Variants in SPTBN2 observed in about 807,000 individuals in gnomAD.
The protein encoded by SPTBN2 is spectrin beta chain, non-erythrocytic 2.
SPTBN2 carries 107 observed loss-of-function variants against 284.2 expected under a neutral mutation model. That is an observed-to-expected ratio of 0.38 (90% CI 0.32 to 0.44). The LOEUF (loss-of-function observed/expected upper bound fraction) is 0.44, where lower values mean the gene tolerates loss of function less well. Ranked by LOEUF, SPTBN2 falls within the 20% of genes least tolerant of loss-of-function variation. The pLI is 1.00. For missense variants in SPTBN2, 2,569 were observed against 3,287.1 expected, an observed-to-expected ratio of 0.78 and a Z score of 5.34; for synonymous variants, 1,289 against 1,354.8, an observed-to-expected ratio of 0.95 and a Z score of 1.07.
At chr11:66,742,248 GCA>G (rs1290673038) in intron 1 of SPTBN2, among the ~76,000 whole-genome samples, 1 of 152,240 alleles carries the variant, frequency 6.6e-6, no homozygotes, top group Non-Finnish European at 1.5e-5. Context: ...AGAGCACTTA[GCA>G]CAGAGTGGAT....
chr11:66,694,099 G>T, intron 22 of SPTBN2, 40 bp downstream of exon 22: 1 of 1,597,062 alleles, frequency 6.3e-7, no homozygotes. Context: ...AGAACCACAT[G>T]GCTGGGGGCA....
exon 1 of SPTBN2, chr11:66,744,657 T>C: frequency 2.2e-6 from 1 of 452,980 alleles, no homozygotes; most frequent in Non-Finnish European, 3.1e-6. Flanking sequence ...CGGTTCGCGG[T>C]CTCGGGGCCC....
At chr11:66,697,378 A>G (rs1940979059) in intron 20 of SPTBN2, among the ~76,000 whole-genome samples, 1 of 152,156 alleles carries the variant, frequency 6.6e-6, no homozygotes, top group Non-Finnish European at 1.5e-5. Context: ...AAAGGCTAGC[A>G]CTGCCTGGGT....
Position 66,696,548 on chromosome 11 carries a change from G to C in SPTBN2, c.4015-8C>G. On this transcript the variant is annotated splice_region_variant and splice_polypyrimidine_tract_variant and intron_variant, in intron 20 of 37. Coordinates refer to ENST00000533211, the MANE Select transcript of SPTBN2 (RefSeq NM_006946.4). ...GGTGAGCTCTCGCCCTTCCTGGAAG[G>C]CAGGACAGAAAATGTCAAAGTGCCC... 1 of 1,610,242 alleles carries C rather than the reference G, an allele frequency of 6.2e-7. No individual in the cohort carries two copies. Among genetic ancestry groups the C allele is most frequent in the Non-Finnish European group, 8.5e-7 (1 of 1,180,018 alleles).
At chr11:66,697,126 G>GCTGTGTT (rs1284934343) in intron 20 of SPTBN2, among the ~76,000 whole-genome samples, 2 of 152,118 alleles carry the variant, frequency 1.3e-5, no homozygotes, top group African/African-American at 4.8e-5. Context: ...CTGTGAGAGT[G>GCTGTGTT]CTGTGTTCTG....
chr11:66,683,436 T>C lies in SPTBN2; in HGVS notation c.*2435A>G, dbSNP rs1484904787. ...TGCCTGCATTTATTGTATTTTTGTG[T>C]CTAACTTGTCTCATAGCCCTCACCG... On this transcript the variant is annotated 3_prime_UTR_variant, in exon 38 of 38. Transcript: ENST00000533211. Among the ~76,000 whole-genome samples, 1 of 152,218 alleles carries C rather than the reference T, an allele frequency of 6.6e-6. No individual in the cohort carries two copies. Among genetic ancestry groups the C allele is most frequent in the African/African-American group, 2.4e-5 (1 of 41,454 alleles).
At chr11:66,690,003 ACAAC>A in intron 28 of SPTBN2, 32 bp downstream of exon 28, 1 of 1,614,158 alleles carries the variant, frequency 6.2e-7, no homozygotes, top group Non-Finnish European at 8.5e-7. Context: ...GCCCAGCCAC[ACAAC>A]CCGTGGAGGC....
Position 66,692,719 on chromosome 11 carries a change from T to C in SPTBN2, c.5007A>G (p.Gln1669=), listed in dbSNP as rs1206975238. Residue 1669 remains glutamine (Q), a synonymous_variant, in exon 26 of 38, where the codon CAA becomes CAG. Coordinates refer to ENST00000533211, the MANE Select transcript of SPTBN2 (RefSeq NM_006946.4). ...CGGCATACAGCTTGTCCACCTGGGCTTGGCGGATGGATATCCGAGTGCTGC... is the reference window on the plus strand; with the variant it reads ...CGGCATACAGCTTGTCCACCTGGGCCTGGCGGATGGATATCCGAGTGCTGC... ...HPESTRISIR[Q]AQVDKLYAGL... 6.2e-7 allele frequency: 1 copy of C among 1,602,742 alleles called. No homozygotes were observed. The highest frequency in any genetic ancestry group is 1.7e-5 in the Admixed American group (1 of 60,018).
chr11:66,715,321 C>T lies in SPTBN2; in HGVS notation c.384G>A (p.Glu128=). The stretch of plus-strand genomic sequence containing the variant: ...CCATGTTTTCCAAGTGCACTTTCTG[C>T]TCCTTGAGGAACTGCAGTGCCTTGT... The part of the protein sequence containing the change: ...NVDKALQFLK[E]QKVHLENMGS... Residue 128 remains glutamate, a synonymous_variant, in exon 5 of 38, where the codon GAG becomes GAA. Coordinates refer to ENST00000533211, the MANE Select transcript of SPTBN2 (RefSeq NM_006946.4). The surrounding 1 kb of genome is among the most constrained non-coding windows in gnomAD (Gnocchi z 5.3). The T allele has an allele frequency of 6.2e-7, 1 of 1,614,258 alleles. No individual in the cohort carries two copies. The highest frequency in any genetic ancestry group is 8.5e-7 in the Non-Finnish European group (1 of 1,180,048).
chr11:66,714,452 C>G (rs1487275241), intron 5 of SPTBN2, 45 bp from the exon 6 acceptor site: 5 of 1,505,732 alleles, frequency 3.3e-6, no homozygotes, highest in Non-Finnish European at 3.7e-6. Flanking sequence ...GACAGGAACT[C>G]CTGGTGTTAT....
Position 66,687,766 on chromosome 11 carries a change from C to G in SPTBN2, c.6501+102G>C, listed in dbSNP as rs987430753. 1 of 1,589,168 alleles carries G rather than the reference C, an allele frequency of 6.3e-7. No homozygotes were observed. The highest frequency in any genetic ancestry group is 8.6e-7 in the Non-Finnish European group (1 of 1,158,242). On this transcript the variant is annotated intron_variant, in intron 34 of 37. Transcript: ENST00000533211. The surrounding 1 kb of genome is among the most constrained non-coding windows in gnomAD (Gnocchi z 5.2). The stretch of plus-strand genomic sequence containing the variant: ...CCCCCAAGCTGCCTGTGAGCCTCTG[C>G]CCTCTCCCATCCCATCCCCAGTACT...
At position 66,708,772 on chromosome 11, in the gene SPTBN2, G is replaced by T; in HGVS notation, c.1191+130C>A. The T allele has an allele frequency of 1.3e-6, 1 of 747,700 alleles. No homozygotes were observed. The highest frequency in any genetic ancestry group is 2.3e-6 in the Non-Finnish European group (1 of 436,112). 46.3% of individuals were successfully genotyped at this position (747,700 alleles called of 1,614,324 possible). A position where few individuals can be genotyped will look rare whatever the true frequency, so the allele number is the denominator to read the frequency against. Reference sequence around the variant, plus strand: ...GTGTGGGCAGCTGGGCAGAGTGCTCGAGTTTCAAGTTGGGGCAGCAGATAG... The same window carrying T: ...GTGTGGGCAGCTGGGCAGAGTGCTCTAGTTTCAAGTTGGGGCAGCAGATAG... On this transcript the variant is annotated intron_variant, in intron 11 of 37. Transcript: ENST00000533211. This position sits in a 1 kb window ranked among gnomAD's most constrained non-coding sequence, Gnocchi z 4.4.
Position 66,713,625 on chromosome 11 carries a change from C to T in SPTBN2, c.772+6G>A. The T allele has an allele frequency of 6.2e-7, 1 of 1,611,428 alleles. No individual in the cohort carries two copies. The highest frequency in any genetic ancestry group is 8.5e-7 in the Non-Finnish European group (1 of 1,177,982). On this transcript the variant is annotated splice_donor_region_variant and intron_variant, in intron 8 of 37. Coordinates refer to ENST00000533211, the MANE Select transcript of SPTBN2 (RefSeq NM_006946.4). ...CCACCTCTTTTTCACATAGCTCTGG[C>T]CCCACCTTCGGGATCCAGCAGCTTG...
Position 66,693,001 on chromosome 11 carries a change from G to C in SPTBN2, c.4954C>G (p.Gln1652Glu). ...QTIHQLAASS[Q>E]DMIDHEHPES... ...GGGTGCTCGTGGTCAATCATGTCCT[G>C]GCTGCTGGCCGCCAGCTGGTGGATG... Residue 1652 changes from glutamine to glutamate, a missense_variant, in exon 25 of 38, where the codon CAG becomes GAG. Gln to Glu is a conservative substitution (Grantham distance 29). Around this residue, in one of 6 missense-constraint regions of SPTBN2, gnomAD observed 1,130 missense variants for 1,317.3 expected, o/e 0.86. Transcript: ENST00000533211. This position sits in a 1 kb window ranked among gnomAD's most constrained non-coding sequence, Gnocchi z 5.7. 6.2e-7 allele frequency: 1 copy of C among 1,609,634 alleles called. No individual in the cohort carries two copies. Among genetic ancestry groups the C allele is most frequent in the East Asian group, 2.2e-5 (1 of 44,884 alleles).
intron 36 of SPTBN2, 148 bp downstream of exon 36, chr11:66,686,846 C>T: frequency 9.6e-7 from 1 of 1,045,038 alleles, no homozygotes; most frequent in Admixed American, 1.9e-5. Flanking sequence ...TCTCCGCCTC[C>T]CTCATCTACA....
At chr11:66,709,072 G>T in intron 10 of SPTBN2, 53 bp from the exon 11 acceptor site, 1 of 1,466,828 alleles carries the variant, frequency 6.8e-7, no homozygotes, top group Non-Finnish European at 9.6e-7. Context: ...AGGGTCACAA[G>T]GACTCTTTAC....
In SPTBN2 at chr11:66,689,829, G is replaced by C. The variant is rs1940411398; in HGVS notation, c.5925C>G (p.Ala1975=). ...CCTCCTCGGCCGCATAGTGGCTCCT[G>C]GCCAGCAGCTCCTTCCCCATGTCGA... ...SCIDMGKELL[A]RSHYAAEEIS... is the part of the protein sequence containing the mutation. The change falls in exon 29 of 38, where the codon GCC becomes GCG. Residue 1975 remains alanine, a synonymous_variant. Coordinates refer to ENST00000533211, the MANE Select transcript of SPTBN2 (RefSeq NM_006946.4). 1.2e-6 allele frequency: 2 copies of C among 1,613,992 alleles called. No individual in the cohort carries two copies. Among genetic ancestry groups the C allele is most frequent in the Non-Finnish European group, 1.7e-6 (2 of 1,180,032 alleles).
At position 66,691,327 on chromosome 11, in the gene SPTBN2, C is replaced by G; in HGVS notation, c.5522G>C (p.Arg1841Pro). 2 of 1,553,440 alleles carry G rather than the reference C, an allele frequency of 1.3e-6. No individual in the cohort carries two copies. The highest frequency in any genetic ancestry group is 1.7e-6 in the Non-Finnish European group (2 of 1,145,844). The change falls in exon 27 of 38, where the codon CGA becomes CCA. Residue 1841 changes from arginine (R) to proline (P), a missense_variant. By Grantham distance (103) the Arg-to-Pro change is moderately radical. This residue lies in a region of SPTBN2 where 1,130 missense variants were observed against 1,317.3 expected (regional missense o/e 0.86). Transcript: ENST00000533211. The surrounding 1 kb of genome is among the most constrained non-coding windows in gnomAD (Gnocchi z 8.0). Reference protein sequence around the residue: ...DLNAAEALQRRHCAYEHDIQA... With the variant: ...DLNAAEALQRPHCAYEHDIQA... Reference sequence around the variant, plus strand: ...AATGTCATGCTCGTAGGCACAGTGTCGGCGCTGCAGGGCCTCGGCAGCGTT... The same window carrying G: ...AATGTCATGCTCGTAGGCACAGTGTGGGCGCTGCAGGGCCTCGGCAGCGTT...
chr11:66,700,715 GC>G lies in SPTBN2; in HGVS notation c.3383del (p.Gly1128AlafsTer4). On this transcript the variant is annotated frameshift_variant, in exon 17 of 38. Transcript: ENST00000533211. LOFTEE classifies it high-confidence loss of function. The surrounding 1 kb of genome is among the most constrained non-coding windows in gnomAD (Gnocchi z 6.6). ...CAGCCTGGTCCCGGGTCACCTCCTC[GC>G]CCAGGGCTCGCAGCCGGCTATACTC... is the stretch of plus-strand genomic sequence containing the variant. Reference protein sequence around the residue: ...QSEYSRLRALGEEVTRDQADP... With the variant: ...QSEYSRLRALXEEVTRDQADP... The G allele has an allele frequency of 6.2e-7, 1 of 1,604,452 alleles. No individual in the cohort carries two copies.
Sources: gnomAD v4.1 joint callset for allele counts (sites outside exome capture counted in the v4.1 genomes callset) on GRCh38, gnomAD v4.1.1 for gene constraint, gnomAD v4.1.1 regional missense constraint, Gnocchi (gnomAD v3.1) non-coding constraint, MANE v1.5 for transcripts, NCBI Gene and HGNC (gene_info 2026-07-23, HGNC 2026-07-21) for gene names.